The following MAP2K6 variants were observed in gnomAD, a reference collection of about 807,000 sequenced individuals.
MAP2K6 encodes mitogen-activated protein kinase kinase 6.
A neutral mutation model predicts 53.7 loss-of-function variants in MAP2K6; 16 were observed. The observed-to-expected ratio is 0.30, with a 90% CI of 0.20 to 0.45. The LOEUF (loss-of-function observed/expected upper bound fraction) is 0.45. MAP2K6 is among the 20% of genes least tolerant of loss of function. The probability of loss-of-function intolerance (pLI) is 1.00; values close to 1 mark genes in which losing one functional copy is unlikely to be tolerated. For synonymous variants in MAP2K6, 132 were observed against 143.1 expected (o/e 0.92, Z 0.55); for missense variants, 204 against 411.9 (o/e 0.50, Z 4.37).
intron 1 of MAP2K6, among the ~76,000 whole-genome samples, chr17:69,480,008 A>G (rs1908292731): frequency 6.6e-6 from 1 of 152,172 alleles, no homozygotes; most frequent in Admixed American, 6.5e-5. Flanking sequence ...CTCTAGCTGC[A>G]GAGTTACTTA....
chr17:69,519,546 T>A, intron 5 of MAP2K6, 114 bp downstream of exon 5: 1 of 1,306,652 alleles, frequency 7.7e-7, no homozygotes, highest in Non-Finnish European at 1.1e-6. Flanking sequence ...ACACATCTTG[T>A]ATACGGGGGT....
At chr17:69,479,531 A>C (rs1598281840) in intron 1 of MAP2K6, among the ~76,000 whole-genome samples, 2 of 152,148 alleles carry the variant, frequency 1.3e-5, no homozygotes, top group East Asian at 1.9e-4. Flanking sequence ...CAAAATTAAA[A>C]AAAAAATTCA....
intron 2 of MAP2K6, among the ~76,000 whole-genome samples, chr17:69,510,749 CAT>C (rs1157159125): frequency 6.6e-6 from 1 of 151,774 alleles, no homozygotes; most frequent in African/African-American, 2.4e-5. Context: ...TAAAATTGTT[CAT>C]AGTGTTTCCT....
intron 1 of MAP2K6, among the ~76,000 whole-genome samples, chr17:69,480,174 AAAG>A (rs1908299290): frequency 1.3e-5 from 2 of 152,176 alleles, no homozygotes; most frequent in African/African-American, 4.8e-5. Context: ...CGAGCATTCT[AAAG>A]AACGTAGCAT....
Position 69,527,557 on chromosome 17 carries a change from T to A in MAP2K6, c.881+848T>A, listed in dbSNP as rs150183171. ...GCCTAGCATGGCTTGATAGTAATGA[T>A]CATGGCAAGTGATGCTGGAAGCAGG... On this transcript the variant is annotated intron_variant, in intron 10 of 11. Transcript: ENST00000590474. Among the ~76,000 whole-genome samples, 25 of 152,320 alleles carry A rather than the reference T, an allele frequency of 1.6e-4. No homozygotes were observed. The Middle Eastern group carries it at 0.014, about 83-fold the overall frequency.
intron 10 of MAP2K6, among the ~76,000 whole-genome samples, chr17:69,531,455 T>G (rs1485095751): frequency 6.6e-6 from 1 of 152,178 alleles, no homozygotes; most frequent in Non-Finnish European, 1.5e-5. Flanking sequence ...GGAATTGACT[T>G]GGTAGCCACT....
Position 69,546,366 on chromosome 17 carries a change from G to A in MAP2K6, c.*4613G>A, listed in dbSNP as rs574915677. 5 of 152,284 alleles carry A rather than the reference G, an allele frequency of 3.3e-5. 1 individual carries two copies. In the South Asian group the frequency reaches 1.0e-3, roughly 32 times the overall value. The allele number at this position is 152,284 out of a possible 1,614,324, so 9.4% of individuals were successfully genotyped here. On this transcript the variant is annotated 3_prime_UTR_variant, in exon 12 of 12. Coordinates refer to ENST00000590474, the MANE Select transcript of MAP2K6 (RefSeq NM_002758.4). Reference sequence around the variant, plus strand: ...AGCCCCAGCATTGGAGGAGGCTGGTGCTAAGATGGACAGGGTTCCTGATTT... The same window carrying A: ...AGCCCCAGCATTGGAGGAGGCTGGTACTAAGATGGACAGGGTTCCTGATTT...
chr17:69,509,540 TATATA>T (rs1909701541), intron 2 of MAP2K6, among the ~76,000 whole-genome samples: 1 of 152,230 alleles, frequency 6.6e-6, no homozygotes, highest in African/African-American at 2.4e-5. Flanking sequence ...TAGGGTTTTC[TATATA>T]AACAGTCATG....
chr17:69,425,019 G>T (rs1906223011), intron 1 of MAP2K6, among the ~76,000 whole-genome samples: 1 of 152,224 alleles, frequency 6.6e-6, no homozygotes, highest in Admixed American at 6.5e-5. Flanking sequence ...CAAACCTTGT[G>T]TGTTTCCTTA....
chr17:69,504,649 G>A (rs1213765549), intron 1 of MAP2K6: 2 of 152,560 alleles, frequency 1.3e-5, no homozygotes, highest in East Asian at 3.9e-4. Context: ...AGAGACACAG[G>A]ATCTCCATGC....
chr17:69,423,931 C>T (rs1906178288), intron 1 of MAP2K6, among the ~76,000 whole-genome samples: 1 of 152,114 alleles, frequency 6.6e-6, no homozygotes, highest in South Asian at 2.1e-4. Flanking sequence ...ACCACAATTA[C>T]TTTTGCACCG....
At chr17:69,490,868 C>A (rs112452600) in intron 1 of MAP2K6, among the ~76,000 whole-genome samples, 2 of 152,064 alleles carry the variant, frequency 1.3e-5, no homozygotes, top group Admixed American at 6.5e-5. Flanking sequence ...TCTCCCTCCC[C>A]CTCCTTCCAC....
intron 1 of MAP2K6, among the ~76,000 whole-genome samples, chr17:69,493,859 C>T (rs1001714396): frequency 5.3e-5 from 8 of 151,954 alleles, no homozygotes; most frequent in African/African-American, 1.9e-4. Context: ...CCCTTGTACC[C>T]ATCAAATTGA....
At chr17:69,481,751 G>A (rs1908358343) in intron 1 of MAP2K6, among the ~76,000 whole-genome samples, 2 of 152,090 alleles carry the variant, frequency 1.3e-5, no homozygotes, top group South Asian at 4.1e-4. Context: ...CATATTAGAT[G>A]AGAACCCATC....
chr17:69,529,038 A>T (rs1267074470), intron 10 of MAP2K6, among the ~76,000 whole-genome samples: 2 of 151,972 alleles, frequency 1.3e-5, no homozygotes, highest in Non-Finnish European at 2.9e-5. Flanking sequence ...TGCTTTAGGA[A>T]ATTTTGGTAA....
chr17:69,444,694 T>C (rs139976390), intron 1 of MAP2K6, among the ~76,000 whole-genome samples: 11 of 152,306 alleles, frequency 7.2e-5, no homozygotes, highest in African/African-American at 2.2e-4. Context: ...GGGCCCACAC[T>C]TTAGCTGCAA....
intron 1 of MAP2K6, among the ~76,000 whole-genome samples, chr17:69,457,464 C>A (rs763996496): frequency 6.6e-6 from 1 of 152,176 alleles, no homozygotes; most frequent in Non-Finnish European, 1.5e-5. Flanking sequence ...AAAGTCTGTC[C>A]TTCCCTGGGG....
chr17:69,429,759 A>G (rs1310860890), intron 1 of MAP2K6, among the ~76,000 whole-genome samples: 1 of 152,174 alleles, frequency 6.6e-6, no homozygotes, highest in Non-Finnish European at 1.5e-5. Context: ...GTCAGTGGAA[A>G]GGAACTTTTC....
chr17:69,535,016 G>A (rs1911285292), intron 10 of MAP2K6, among the ~76,000 whole-genome samples: 1 of 151,020 alleles, frequency 6.6e-6, no homozygotes, highest in South Asian at 2.1e-4. Context: ...GTTGGATAGA[G>A]GATAGGGATG....
Sources: allele counts gnomAD v4.1 joint callset (sites outside exome capture counted in the v4.1 genomes callset), GRCh38; gene constraint gnomAD v4.1.1; transcripts MANE v1.5; gene names NCBI Gene and HGNC (gene_info 2026-07-23, HGNC 2026-07-21).